The following IL6R variants were observed in gnomAD, a reference collection of about 807,000 sequenced individuals.
IL6R encodes the protein interleukin 6 receptor, also known as interleukin-6 receptor subunit alpha.
In IL6R, 38 loss-of-function variants were observed where a neutral mutation model predicts 48.3. The observed-to-expected ratio is 0.79, with a 90% CI of 0.61 to 1.03. The LOEUF is 1.03. Ranked by LOEUF, IL6R falls within the 50% of genes least tolerant of loss-of-function variation. The probability of loss-of-function intolerance (pLI) is 0.00; values close to 1 mark genes in which losing one functional copy is unlikely to be tolerated. For missense variants in IL6R, 534 were observed against 618.3 expected (o/e 0.86, Z 1.45); for synonymous variants, 264 against 256.2 (o/e 1.03, Z -0.29).
chr1:154,448,891 T>C (rs1690427949), intron 7 of IL6R, among the ~76,000 whole-genome samples: 1 of 136,380 alleles, frequency 7.3e-6, no homozygotes, highest in Admixed American at 7.4e-5. Flanking sequence ...TTTTTTTTTT[T>C]TTTTTTTTTT....
intron 9 of IL6R, among the ~76,000 whole-genome samples, chr1:154,459,918 A>T (rs1158522582): frequency 1.3e-5 from 2 of 152,138 alleles, no homozygotes; most frequent in Non-Finnish European, 2.9e-5. Flanking sequence ...GTAGTGTATC[A>T]TTCCGGTATT....
At chr1:154,460,615 G>A (rs1691198177) in intron 9 of IL6R, among the ~76,000 whole-genome samples, 1 of 152,194 alleles carries the variant, frequency 6.6e-6, no homozygotes, top group Admixed American at 6.5e-5. Flanking sequence ...ATGTAAATGT[G>A]ATTGAAGTCT....
chr1:154,462,652 C>T (rs948156477), intron 9 of IL6R, among the ~76,000 whole-genome samples: 8 of 151,966 alleles, frequency 5.3e-5, no homozygotes, highest in Non-Finnish European at 1.0e-4. Context: ...GGATTACAGG[C>T]GTGAGCCACC....
At chr1:154,457,961 CT>C (rs200894173) in intron 9 of IL6R, among the ~76,000 whole-genome samples, 31,708 of 107,980 alleles carry the variant, frequency 0.29, 4,256 homozygotes, top group African/African-American at 0.43. Flanking sequence ...TTTTCTTTTT[CT>C]TTTTCTTTTT....
chr1:154,457,889 G>T (rs1690979635), intron 9 of IL6R, among the ~76,000 whole-genome samples: 1 of 152,102 alleles, frequency 6.6e-6, no homozygotes. Flanking sequence ...GTGTGGTGTG[G>T]GTTGAAAGAT....
intron 6 of IL6R, 111 bp downstream of exon 6, chr1:154,436,221 T>C (rs1302003591): frequency 8.2e-7 from 1 of 1,223,348 alleles, no homozygotes; most frequent in Non-Finnish European, 1.1e-6. Context: ...CCAGGTGTGG[T>C]GGCTCACACC....
At chr1:154,420,378 A>AG (rs564468590) in intron 1 of IL6R, among the ~76,000 whole-genome samples, 3 of 152,048 alleles carry the variant, frequency 2.0e-5, no homozygotes, top group African/African-American at 7.2e-5. Flanking sequence ...GGGCTCTGCC[A>AG]GGGGCGGTGA....
intron 1 of IL6R, among the ~76,000 whole-genome samples, chr1:154,410,677 T>C (rs988055013): frequency 1.3e-5 from 2 of 152,238 alleles, no homozygotes; most frequent in Admixed American, 1.3e-4. Context: ...TGACGTTAGC[T>C]GGACCTCAGC....
intron 1 of IL6R, among the ~76,000 whole-genome samples, chr1:154,418,055 G>T (rs1255216262): frequency 6.6e-6 from 1 of 151,830 alleles, no homozygotes; most frequent in Non-Finnish European, 1.5e-5. Flanking sequence ...TTTTTGGTAT[G>T]GATGGGGTTT....
chr1:154,448,251 G>T (rs1690385481), intron 7 of IL6R, 80 bp downstream of exon 7: 2 of 1,159,994 alleles, frequency 1.7e-6, no homozygotes, highest in Non-Finnish European at 2.6e-6. Context: ...GACCGAATTT[G>T]GTTTAAATCC....
chr1:154,415,975 T>C (rs566732398), intron 1 of IL6R, among the ~76,000 whole-genome samples: 1 of 151,964 alleles, frequency 6.6e-6, no homozygotes, highest in Non-Finnish European at 1.5e-5. Context: ...CAAAAAAAAA[T>C]AAAATAAAAT....
intron 1 of IL6R, among the ~76,000 whole-genome samples, chr1:154,426,117 A>T (rs1688950893): frequency 6.7e-6 from 1 of 150,160 alleles, no homozygotes; most frequent in Non-Finnish European, 1.5e-5. Flanking sequence ...ACATATACAC[A>T]CAAAGGAAGT....
chr1:154,463,661 G>A (rs1691383886), intron 9 of IL6R, among the ~76,000 whole-genome samples: 1 of 152,212 alleles, frequency 6.6e-6, no homozygotes, highest in African/African-American at 2.4e-5. Context: ...CTGAGGCTTG[G>A]GGCACTGGCC....
At chr1:154,415,875 A>G (rs1241799337) in intron 1 of IL6R, among the ~76,000 whole-genome samples, 1 of 152,094 alleles carries the variant, frequency 6.6e-6, no homozygotes, top group Non-Finnish European at 1.5e-5. Flanking sequence ...GCTACTCCGG[A>G]GGCTGAGGCA....
chr1:154,465,513 C>A lies in IL6R; in HGVS notation c.*133C>A, dbSNP rs566640792. 1 of 1,042,222 alleles carries A rather than the reference C, an allele frequency of 9.6e-7. No homozygotes were observed. The highest frequency in any genetic ancestry group is 1.4e-6 in the Non-Finnish European group (1 of 703,650). The allele number at this position is 1,042,222 out of a possible 1,614,324, so 64.6% of individuals were successfully genotyped here. On this transcript the variant is annotated 3_prime_UTR_variant, in exon 10 of 10. Transcript: ENST00000368485. ...CCTTTGGCTTCACGGAAGAGCCTTG[C>A]GGAAGGTTCTACGCCAGGGGAAAAT...
chr1:154,414,872 G>A (rs1011077208), intron 1 of IL6R: 1 of 780,600 alleles, frequency 1.3e-6, no homozygotes, highest in Non-Finnish European at 2.3e-6. Flanking sequence ...GACTGGGGAA[G>A]CTGTTCCTTG....
At chr1:154,413,270 G>A (rs1228841390) in intron 1 of IL6R, among the ~76,000 whole-genome samples, 1 of 152,260 alleles carries the variant, frequency 6.6e-6, no homozygotes, top group Non-Finnish European at 1.5e-5. Context: ...AAAGTGCTGG[G>A]ATTACAGGCA....
At chr1:154,438,725 G>A (rs949791457) in intron 6 of IL6R, among the ~76,000 whole-genome samples, 1 of 152,138 alleles carries the variant, frequency 6.6e-6, no homozygotes, top group African/African-American at 2.4e-5. Context: ...GTACTGTGGG[G>A]TCCTTGTCCC....
chr1:154,450,815 C>T (rs1047584822), intron 8 of IL6R, among the ~76,000 whole-genome samples: 6 of 152,258 alleles, frequency 3.9e-5, no homozygotes, highest in East Asian at 3.8e-4. Flanking sequence ...CTTCGTGAGG[C>T]AGTCCTTGCC....
Sources: gnomAD v4.1 joint callset for allele counts (sites outside exome capture counted in the v4.1 genomes callset) on GRCh38, gnomAD v4.1.1 for gene constraint, MANE v1.5 for transcripts, NCBI Gene and HGNC (gene_info 2026-07-23, HGNC 2026-07-21) for gene names.